Variants in RABEP1 observed in about 807,000 individuals in gnomAD.
RABEP1 encodes rab GTPase-binding effector protein 1.
Under a neutral mutation model 123.4 loss-of-function variants are expected in RABEP1, and 51 were observed. The observed-to-expected ratio is 0.41, with a 90% CI of 0.33 to 0.52. The LOEUF (loss-of-function observed/expected upper bound fraction) is 0.52. Among genes scored for constraint, RABEP1 ranks in the 20% least tolerant of loss-of-function variants. The pLI is 0.16. For missense variants in RABEP1, 888 were observed against 996.3 expected (o/e 0.89, Z 1.46); for synonymous variants, 347 against 355.2 (o/e 0.98, Z 0.26).
intron 2 of RABEP1, among the ~76,000 whole-genome samples, chr17:5,323,740 GAATATATATATAT>G (rs1905639431): frequency 1.1e-5 from 1 of 93,908 alleles, no homozygotes; most frequent in East Asian, 2.9e-4. Flanking sequence ...ATATATCTAG[GAATATATATATAT>G]CTAGGAATAT....
At chr17:5,357,323 C>T (rs554312471) in intron 8 of RABEP1, among the ~76,000 whole-genome samples, 3 of 152,250 alleles carry the variant, frequency 2.0e-5, no homozygotes, top group South Asian at 2.1e-4. Context: ...AGAATTTCAG[C>T]GTGTCAATGT....
intron 1 of RABEP1, 98 bp from the exon 2 acceptor site, chr17:5,308,596 T>C: frequency 5.3e-6 from 6 of 1,125,712 alleles, no homozygotes; most frequent in Non-Finnish European, 7.4e-6. Flanking sequence ...TGACTACTTG[T>C]TTCACGTATA....
intron 13 of RABEP1, among the ~76,000 whole-genome samples, chr17:5,376,125 AGCCACCGCGCCT>A (rs1910973588): frequency 6.6e-6 from 1 of 152,096 alleles, no homozygotes; most frequent in Admixed American, 6.6e-5. Context: ...TACAGGCTTT[AGCCACCGCGCCT>A]GCCTAGTCCT....
chr17:5,379,271 A>G (rs187733646), intron 15 of RABEP1, among the ~76,000 whole-genome samples: 239 of 152,298 alleles, frequency 1.6e-3, no homozygotes, highest in African/African-American at 5.5e-3. Flanking sequence ...TCTTCAGAGA[A>G]TATCATGACC....
intron 8 of RABEP1, among the ~76,000 whole-genome samples, chr17:5,360,510 G>C (rs949140327): frequency 6.6e-6 from 1 of 152,168 alleles, no homozygotes; most frequent in Non-Finnish European, 1.5e-5. Context: ...TGCAGTGAGC[G>C]GAGATCGCGC....
rs144206904 is a variant in RABEP1, at chr17:5,365,317, G to A, written c.1785+79G>A. On this transcript the variant is annotated intron_variant, in intron 11 of 17. Transcript: ENST00000537505. ...TGAAAGATTCAAAAAATATAGTCAT[G>A]TTTTTTTTTGCCTTGAAGATTTGGC... 6.4e-6 allele frequency: 6 copies of A among 937,884 alleles called. No homozygotes were observed. In the African/African-American group the frequency reaches 8.7e-5, roughly 14 times the overall value. 58.1% of individuals were successfully genotyped at this position (937,884 alleles called of 1,614,324 possible). A position where few individuals can be genotyped will look rare whatever the true frequency, so the allele number is the denominator to read the frequency against.
intron 11 of RABEP1, among the ~76,000 whole-genome samples, chr17:5,367,563 C>G (rs1189369422): frequency 6.6e-6 from 1 of 151,004 alleles, no homozygotes; most frequent in South Asian, 2.1e-4. Flanking sequence ...GTCACCGTGC[C>G]CAGCCAAGGG....
At chr17:5,296,011 C>A (rs937232) in intron 1 of RABEP1, among the ~76,000 whole-genome samples, 4 of 151,974 alleles carry the variant, frequency 2.6e-5, no homozygotes, top group African/African-American at 9.7e-5. Flanking sequence ...CTCTCTAATT[C>A]CTTTACTTTT....
intron 5 of RABEP1, among the ~76,000 whole-genome samples, chr17:5,342,250 A>G (rs895802860): frequency 2.0e-5 from 3 of 152,246 alleles, no homozygotes; most frequent in African/African-American, 2.4e-5. Flanking sequence ...AAGAAAAACT[A>G]GTTAGCTACC....
intron 3 of RABEP1, among the ~76,000 whole-genome samples, chr17:5,332,612 T>TTA (rs1366809314): frequency 6.7e-6 from 1 of 149,528 alleles, no homozygotes; most frequent in African/African-American, 2.5e-5. Context: ...TTTTTTTTTT[T>TTA]TTTTTGAGAT....
intron 7 of RABEP1, among the ~76,000 whole-genome samples, chr17:5,352,153 T>C (rs1908609987): frequency 6.6e-6 from 1 of 152,136 alleles, no homozygotes; most frequent in African/African-American, 2.4e-5. Flanking sequence ...TAATTTGGAC[T>C]CATTCGTCTT....
At chr17:5,316,087 G>A (rs537882523) in intron 2 of RABEP1, among the ~76,000 whole-genome samples, 3 of 152,288 alleles carry the variant, frequency 2.0e-5, no homozygotes, top group East Asian at 1.9e-4. Context: ...AATTATGTAA[G>A]AGTGAGGGCA....
intron 8 of RABEP1, among the ~76,000 whole-genome samples, chr17:5,358,445 C>T (rs999676246): frequency 5.3e-5 from 8 of 151,882 alleles, no homozygotes; most frequent in African/African-American, 1.5e-4. Context: ...CTGAGACAGG[C>T]GGATCATTCG....
chr17:5,301,425 C>T (rs552778885), intron 1 of RABEP1, among the ~76,000 whole-genome samples: 27 of 152,182 alleles, frequency 1.8e-4, no homozygotes, highest in African/African-American at 6.3e-4. Flanking sequence ...TGTAAGAAGA[C>T]TATGCAAAGG....
At chr17:5,344,919 C>T (rs1409205964) in intron 5 of RABEP1, among the ~76,000 whole-genome samples, 1 of 151,216 alleles carries the variant, frequency 6.6e-6, no homozygotes, top group East Asian at 1.9e-4. Context: ...GCTGAGATCG[C>T]GGCACCACCC....
Position 5,325,568 on chromosome 17 carries a change from G to A in RABEP1, c.164-6381G>A, listed in dbSNP as rs113675153. ...AAGAGAAGTTGATTAATGGGTATGA[G>A]TATGTGGTTTGATAGAAGAAATAAG... is the stretch of plus-strand genomic sequence containing the variant. On this transcript the variant is annotated intron_variant, in intron 2 of 17. Transcript: ENST00000537505. 7.9e-5 allele frequency among the ~76,000 whole-genome samples: 12 copies of A among 152,166 alleles called. 1 individual carries two copies. Among genetic ancestry groups the A allele is most frequent in the African/African-American group, 1.9e-4 (8 of 41,502 alleles).
At chr17:5,334,072 T>C (rs899269800) in intron 3 of RABEP1, among the ~76,000 whole-genome samples, 3 of 149,158 alleles carry the variant, frequency 2.0e-5, no homozygotes, top group Non-Finnish European at 4.4e-5. Flanking sequence ...TTTTTTGAGA[T>C]ACTTAGGCTT....
At chr17:5,368,347 T>C in intron 11 of RABEP1, 23 bp from the exon 12 acceptor site, 1 of 1,492,950 alleles carries the variant, frequency 6.7e-7, no homozygotes, top group Non-Finnish European at 9.3e-7. Flanking sequence ...TAACTATGTT[T>C]CTATACATGT....
At chr17:5,375,413 AG>A (rs1438372982) in intron 13 of RABEP1, among the ~76,000 whole-genome samples, 1 of 151,988 alleles carries the variant, frequency 6.6e-6, no homozygotes, top group East Asian at 1.9e-4. Context: ...TATCGGGGGC[AG>A]GGTATGGTGG....
Sources: gnomAD v4.1 joint callset for allele counts (sites outside exome capture counted in the v4.1 genomes callset) on GRCh38, gnomAD v4.1.1 for gene constraint, MANE v1.5 for transcripts, NCBI Gene and HGNC (gene_info 2026-07-23, HGNC 2026-07-21) for gene names.